The following PLCH2 variants were observed in gnomAD, a reference collection of about 807,000 sequenced individuals.
PLCH2 encodes the protein phospholipase C eta 2.
In PLCH2, 98 loss-of-function variants were observed where a neutral mutation model predicts 134.7. The observed-to-expected ratio is 0.73, with a 90% CI of 0.62 to 0.86. PLCH2 has a LOEUF of 0.86. PLCH2 is among the 40% of genes least tolerant of loss of function. PLCH2 has a pLI of 0.00. For synonymous variants in PLCH2, 974 were observed against 827.5 expected (o/e 1.18, Z -3.04); for missense variants, 1,994 against 1,986.6 (o/e 1.00, Z -0.07).
At position 2,476,684 on chromosome 1, in the gene PLCH2, G is replaced by A. The variant is rs753199154; in HGVS notation, c.96G>A (p.Leu32=). The part of the protein sequence containing the change: ...VLLWVGGSVV[L]SSEWQLGPLV... ...TCTGGGTTGGAGGGAGTGTGGTGCT[G>A]TCTTCAGAGTGGCAGCTCGGCCCCC... is the stretch of plus-strand genomic sequence containing the variant. Residue 32 remains leucine, a synonymous_variant, in exon 1 of 22, where the codon CTG becomes CTA. Transcript: ENST00000378486. 2 of 1,610,612 alleles carry A rather than the reference G, an allele frequency of 1.2e-6. No homozygotes were observed. The highest frequency in any genetic ancestry group is 1.7e-5 in the Admixed American group (1 of 59,780).
intron 1 of PLCH2, among the ~76,000 whole-genome samples, chr1:2,429,997 T>C (rs1206039365): frequency 1.3e-5 from 2 of 152,156 alleles, no homozygotes; most frequent in African/African-American, 2.4e-5. Flanking sequence ...GTGGGGAAAG[T>C]GTCAACACAG....
In PLCH2 at chr1:2,479,989, C is replaced by T. The variant is rs764111267; in HGVS notation, c.515+12C>T. The T allele has an allele frequency of 3.7e-6, 6 of 1,601,236 alleles. No individual in the cohort carries two copies. Among genetic ancestry groups the T allele is most frequent in the African/African-American group, 1.3e-5 (1 of 74,728 alleles). ...CGCACCAGGGACCAATATCCTTGGGCACCTATCGGGCAATGCAGACCCAGG... is the reference window on the plus strand; with the variant it reads ...CGCACCAGGGACCAATATCCTTGGGTACCTATCGGGCAATGCAGACCCAGG... On this transcript the variant is annotated intron_variant, in intron 3 of 21. Transcript: ENST00000378486.
chr1:2,499,415 G>C (rs552331611), intron 19 of PLCH2, among the ~76,000 whole-genome samples, 185 bp downstream of exon 19: 2 of 152,180 alleles, frequency 1.3e-5, no homozygotes, highest in Admixed American at 1.3e-4. Context: ...CATGGCCTGT[G>C]GGGGAGGGGC....
chr1:2,465,902 C>T (rs1641037545), upstream of PLCH2, among the ~76,000 whole-genome samples: 1 of 152,184 alleles, frequency 6.6e-6, no homozygotes, highest in African/African-American at 2.4e-5. Context: ...CCGCACACCC[C>T]TCTCCCTCCT....
At chr1:2,473,810 C>T (rs533850967), upstream of PLCH2, among the ~76,000 whole-genome samples, 16 of 152,350 alleles carry the variant, frequency 1.1e-4, no homozygotes, top group African/African-American at 3.6e-4. Flanking sequence ...GCCCTCCTCT[C>T]CCCGACGGAG....
intron 2 of PLCH2, among the ~76,000 whole-genome samples, chr1:2,441,342 T>C (rs1479754388): frequency 6.6e-6 from 1 of 152,328 alleles, no homozygotes; most frequent in East Asian, 1.9e-4. Context: ...CGGCCTGGGT[T>C]TGGCTTCTGC....
upstream of PLCH2, chr1:2,467,370 G>T (rs1428863686): frequency 2.4e-5 from 9 of 379,538 alleles, no homozygotes. Flanking sequence ...GGGCTGGGCA[G>T]CCAAGGGTTA....
intron 2 of PLCH2, among the ~76,000 whole-genome samples, chr1:2,461,649 C>G (rs1382570130): frequency 6.6e-6 from 1 of 152,190 alleles, no homozygotes; most frequent in Admixed American, 6.5e-5. Flanking sequence ...ACTGGACACC[C>G]CATCCCCATG....
intron 11 of PLCH2, among the ~76,000 whole-genome samples, 186 bp downstream of exon 11, chr1:2,491,521 G>C (rs1167586635): frequency 6.6e-6 from 1 of 152,230 alleles, no homozygotes; most frequent in Non-Finnish European, 1.5e-5. Flanking sequence ...CCACCTACCA[G>C]CGGGGTCTCA....
Position 2,478,630 on chromosome 1 carries a change from G to T in PLCH2, c.271+8G>T. On this transcript the variant is annotated splice_region_variant and intron_variant, in intron 2 of 21. Transcript: ENST00000378486. ...AGAACGAGAAGGCCAAGAGTGAGTG[G>T]GAGCCCTGGGGTGGGGACAAATCAG... The T allele has an allele frequency of 3.1e-6, 5 of 1,602,878 alleles. No individual in the cohort carries two copies. The highest frequency in any genetic ancestry group is 4.3e-6 in the Non-Finnish European group (5 of 1,175,372).
upstream of PLCH2, among the ~76,000 whole-genome samples, chr1:2,425,412 C>G (rs962609235): frequency 5.9e-5 from 9 of 152,188 alleles, no homozygotes; most frequent in African/African-American, 1.7e-4. Flanking sequence ...CTGTTGTGAA[C>G]AGTGTGGCAG....
At chr1:2,452,046 G>A (rs917899981) in intron 2 of PLCH2, among the ~76,000 whole-genome samples, 6 of 152,202 alleles carry the variant, frequency 3.9e-5, no homozygotes, top group Admixed American at 6.5e-5. Context: ...TCTGGGCCCC[G>A]AGCTTTGGCA....
intron 15 of PLCH2, 83 bp downstream of exon 15, chr1:2,497,093 C>T (rs1188454652): frequency 2.2e-6 from 3 of 1,355,240 alleles, no homozygotes; most frequent in African/African-American, 2.9e-5. Flanking sequence ...GAGCAGGGGA[C>T]CCGCTGGGGC....
At chr1:2,471,111 G>A (rs1641304341) in intron 1 of PLCH2, among the ~76,000 whole-genome samples, 2 of 152,184 alleles carry the variant, frequency 1.3e-5, no homozygotes, top group Admixed American at 6.5e-5. Context: ...CCTTCCTGAT[G>A]GGGCTGTCAA....
intron 13 of PLCH2, among the ~76,000 whole-genome samples, chr1:2,496,233 C>A (rs571143729): frequency 1.2e-3 from 179 of 152,310 alleles, no homozygotes; most frequent in African/African-American, 3.8e-3. Flanking sequence ...ACCCGGCCGA[C>A]ACGGAGGCCC....
intron 4 of PLCH2, among the ~76,000 whole-genome samples, chr1:2,480,677 C>T (rs1037584967): frequency 2.0e-5 from 3 of 152,206 alleles, no homozygotes; most frequent in Admixed American, 1.3e-4. Context: ...CCCGCAGCCT[C>T]GAGGGGGGTA....
the PLCH2 span, among the ~76,000 whole-genome samples, chr1:2,416,164 C>T: frequency 1.3e-5 from 2 of 152,220 alleles, no homozygotes; most frequent in South Asian, 4.1e-4. Flanking sequence ...TGCTGCCTGG[C>T]ACCCAGCGGT....
chr1:2,421,347 C>T (rs539151674), upstream of PLCH2, among the ~76,000 whole-genome samples: 4 of 152,296 alleles, frequency 2.6e-5, no homozygotes, highest in African/African-American at 4.8e-5. Context: ...CCAGAACCTA[C>T]GGTAGCATCT....
chr1:2,502,223 A>T lies in PLCH2; in HGVS notation c.2773A>T (p.Ile925Phe), dbSNP rs1372172916. 2 of 1,540,730 alleles carry T rather than the reference A, an allele frequency of 1.3e-6. No homozygotes were observed. Among genetic ancestry groups the T allele is most frequent in the Non-Finnish European group, 1.7e-6 (2 of 1,145,054 alleles). Reference sequence around the variant, plus strand: ...GGCCCGGCCCTCCGTTAGCCAGCGGATCCTGCGGCGCACGGCCAGCGCCCC... The same window carrying T: ...GGCCCGGCCCTCCGTTAGCCAGCGGTTCCTGCGGCGCACGGCCAGCGCCCC... Reference protein sequence around the residue: ...PPARPSVSQRILRRTASAPTK... With the variant: ...PPARPSVSQRFLRRTASAPTK... Residue 925 changes from isoleucine (I) to phenylalanine (F), a missense_variant, in exon 21 of 22, where the codon ATC (isoleucine) becomes TTC (phenylalanine). Physicochemically the swap from Ile to Phe is conservative, Grantham distance 21 (BLOSUM62 0). This residue lies in a region of PLCH2 where 900 missense variants were observed against 752.3 expected (regional missense o/e 1.20). Coordinates refer to ENST00000378486, the MANE Select transcript of PLCH2 (RefSeq NM_014638.4).
Sources: gnomAD v4.1 joint callset for allele counts (sites outside exome capture counted in the v4.1 genomes callset) on GRCh38, gnomAD v4.1.1 for gene constraint, gnomAD v4.1.1 regional missense constraint, MANE v1.5 for transcripts, NCBI Gene and HGNC (gene_info 2026-07-23, HGNC 2026-07-21) for gene names.